The following SORBS2 variants were observed in gnomAD, a reference collection of about 807,000 sequenced individuals.
SORBS2 encodes the protein sorbin and SH3 domain containing 2.
SORBS2 carries 46 observed loss-of-function variants against 97.7 expected under a neutral mutation model. The ratio of observed to expected loss-of-function variants is 0.47; its 90% CI spans 0.37 to 0.60. SORBS2 has a LOEUF of 0.60. Ranked by LOEUF, SORBS2 falls within the 20% of genes least tolerant of loss-of-function variation. The pLI is 0.00. For synonymous variants in SORBS2, 476 were observed against 473.4 expected (o/e 1.01, Z -0.07); for missense variants, 1,316 against 1,282.3 (o/e 1.03, Z -0.40).
chr4:185,760,376 A>G (rs1412718077), intron 2 of SORBS2, among the ~76,000 whole-genome samples: 1 of 152,234 alleles, frequency 6.6e-6, no homozygotes, highest in African/African-American at 2.4e-5. Context: ...AGCCTGGTCA[A>G]CATGGTGAAA....
chr4:185,714,828 C>G (rs2098452626), intron 2 of SORBS2, among the ~76,000 whole-genome samples: 1 of 152,192 alleles, frequency 6.6e-6, no homozygotes, highest in Non-Finnish European at 1.5e-5. Flanking sequence ...CCTGGCCCCA[C>G]CCTTGACACA....
In SORBS2 at chr4:185,623,016, A is replaced by AG; in HGVS notation, c.2112dup (p.Tyr705LeufsTer4). The stretch of plus-strand genomic sequence containing the variant: ...GGCATTCTCCCGCAGTCATTCTGGT[A>AG]GGGTGGACAATGAATAGCACCATCG... On this transcript the variant is annotated frameshift_variant, in exon 7 of 15. Transcript: ENST00000418609. LOFTEE classifies it high-confidence loss of function. This position sits in a 1 kb window ranked among gnomAD's most constrained non-coding sequence, Gnocchi z 6.4. The AG allele has an allele frequency of 6.2e-7, 1 of 1,614,148 alleles. No individual in the cohort carries two copies. Among genetic ancestry groups the AG allele is most frequent in the Non-Finnish European group, 8.5e-7 (1 of 1,180,030 alleles).
Position 185,703,200 on chromosome 4 carries a change from G to A in SORBS2, c.-197-24378C>T, listed in dbSNP as rs568003633. ...CTTGAGCTTCTCAATTTTAGAATTT[G>A]ATCGTTCCTAAAATAGAATCCATTT... On this transcript the variant is annotated intron_variant, in intron 2 of 20. Coordinates refer to the SORBS2 transcript ENST00000284776. 3.5e-4 allele frequency among the ~76,000 whole-genome samples: 54 copies of A among 152,228 alleles called. 3 individuals are homozygous for A. In the South Asian group the frequency reaches 0.011, roughly 30 times the overall value.
intron 4 of SORBS2, among the ~76,000 whole-genome samples, chr4:185,637,153 C>T (rs893954218): frequency 1.3e-5 from 2 of 152,194 alleles, no homozygotes; most frequent in Admixed American, 6.5e-5. Context: ...ATGACGTTTC[C>T]GTCAACGATG....
At chr4:185,952,134 C>A (rs2099277515) in intron 1 of SORBS2, among the ~76,000 whole-genome samples, 1 of 152,016 alleles carries the variant, frequency 6.6e-6, no homozygotes, top group Non-Finnish European at 1.5e-5. Context: ...AAGCCATCCT[C>A]CTGCCTCAGC....
At chr4:185,907,597 T>TA (rs772223391) in intron 1 of SORBS2, among the ~76,000 whole-genome samples, 9 of 152,252 alleles carry the variant, frequency 5.9e-5, no homozygotes, top group African/African-American at 7.2e-5. Context: ...ATATTTTCTT[T>TA]AAAATCACAT....
intron 1 of SORBS2, among the ~76,000 whole-genome samples, chr4:185,895,111 CAAGA>C (rs1334453654): frequency 6.6e-6 from 1 of 152,198 alleles, no homozygotes; most frequent in Non-Finnish European, 1.5e-5. Flanking sequence ...ATGACACAGA[CAAGA>C]AAGAAGAATG....
intron 1 of SORBS2, among the ~76,000 whole-genome samples, chr4:185,949,908 G>A (rs1167712471): frequency 1.3e-5 from 2 of 152,112 alleles, no homozygotes; most frequent in Admixed American, 6.5e-5. Context: ...GCCAAGAAGA[G>A]GGGAAGAGAA....
At chr4:185,943,374 A>G (rs1043702074) in intron 1 of SORBS2, among the ~76,000 whole-genome samples, 1 of 152,246 alleles carries the variant, frequency 6.6e-6, no homozygotes, top group Non-Finnish European at 1.5e-5. Flanking sequence ...AGCATCACTG[A>G]ATTCTGATGT....
Position 185,614,400 on chromosome 4 carries a change from A to G in SORBS2, c.2595+431T>C, listed in dbSNP as rs374602891. Among the ~76,000 whole-genome samples, 6 of 152,278 alleles carry G rather than the reference A, an allele frequency of 3.9e-5. No homozygotes were observed. In the South Asian group the frequency reaches 6.2e-4, roughly 16 times the overall value. On this transcript the variant is annotated intron_variant, in intron 11 of 14. Coordinates refer to ENST00000418609, the Ensembl canonical transcript of SORBS2. ...TCTTAAAGCGGCTCCCCCAAGAGGAAGGATCTTCTTTACCTAGGACCATTC... is the reference window on the plus strand; with the variant it reads ...TCTTAAAGCGGCTCCCCCAAGAGGAGGGATCTTCTTTACCTAGGACCATTC...
chr4:185,638,094 C>G lies in SORBS2; in HGVS notation c.397-7496G>C, dbSNP rs751191437. On this transcript the variant is annotated intron_variant, in intron 4 of 14. Coordinates refer to ENST00000418609, the Ensembl canonical transcript of SORBS2. The stretch of plus-strand genomic sequence containing the variant: ...CCTCACTTACCGGGCGTCCAAACTC[C>G]AGTTCTGAAAAGAATTTATACCAGG... The G allele has an allele frequency of 8.7e-6, 14 of 1,604,242 alleles. No homozygotes were observed. The South Asian group carries it at 1.5e-4, about 18-fold the overall frequency.
At chr4:185,677,393 T>C (rs555203598) in intron 4 of SORBS2, 1 of 1,552,358 alleles carries the variant, frequency 6.4e-7, no homozygotes, top group South Asian at 1.2e-5. Flanking sequence ...TGGAAGCTGC[T>C]GGTAGTGGAT....
chr4:185,877,883 A>AAAAAAGG (rs1344109012), intron 1 of SORBS2, among the ~76,000 whole-genome samples: 1 of 145,180 alleles, frequency 6.9e-6, no homozygotes, highest in African/African-American at 2.6e-5. Flanking sequence ...ACAAAAAAAA[A>AAAAAAGG]AAAGAAAGAA....
At chr4:185,879,949 G>A (rs1261196617) in intron 1 of SORBS2, among the ~76,000 whole-genome samples, 2 of 152,164 alleles carry the variant, frequency 1.3e-5, no homozygotes, top group Non-Finnish European at 2.9e-5. Flanking sequence ...GCAGATTTCC[G>A]GGACACGGCA....
At chr4:185,733,699 C>T (rs2098661955) in intron 2 of SORBS2, among the ~76,000 whole-genome samples, 3 of 152,180 alleles carry the variant, frequency 2.0e-5, no homozygotes, top group African/African-American at 4.8e-5. Flanking sequence ...ACAGTTTCTT[C>T]GCCATGTGCC....
At chr4:185,895,974 T>G (rs546100537) in intron 1 of SORBS2, among the ~76,000 whole-genome samples, 4 of 151,980 alleles carry the variant, frequency 2.6e-5, no homozygotes, top group Admixed American at 2.6e-4. Context: ...GAAAAGGGAG[T>G]GTATGAGAGT....
chr4:185,924,277 G>C (rs1222266677), intron 1 of SORBS2, among the ~76,000 whole-genome samples: 1 of 152,194 alleles, frequency 6.6e-6, no homozygotes, highest in African/African-American at 2.4e-5. Context: ...GTGTCCATTA[G>C]AGCACAAGGA....
intron 1 of SORBS2, chr4:185,811,062 G>A (rs148704605): frequency 1.4e-4 from 21 of 152,192 alleles, no homozygotes; most frequent in African/African-American, 5.1e-4. Flanking sequence ...TCGGAAAGGA[G>A]GTGTGAACGG....
At chr4:185,941,089 C>T (rs1325982283) in intron 1 of SORBS2, among the ~76,000 whole-genome samples, 1 of 152,172 alleles carries the variant, frequency 6.6e-6, no homozygotes, top group African/African-American at 2.4e-5. Context: ...TCGTCTACTT[C>T]GTTATTATCA....
Sources: gnomAD v4.1 joint callset for allele counts (sites outside exome capture counted in the v4.1 genomes callset) on GRCh38, gnomAD v4.1.1 for gene constraint, Gnocchi (gnomAD v3.1) non-coding constraint, MANE v1.5 for transcripts, NCBI Gene and HGNC (gene_info 2026-07-23, HGNC 2026-07-21) for gene names.